PCDHA5: variants seen among roughly 807,000 people sequenced by gnomAD.
The protein encoded by PCDHA5 is protocadherin alpha-5.
In PCDHA5, 43 loss-of-function variants were observed where a neutral mutation model predicts 61.6. The observed-to-expected ratio is 0.70, with a 90% CI of 0.55 to 0.90. PCDHA5 has a LOEUF of 0.90. Ranked by LOEUF, PCDHA5 falls within the 40% of genes least tolerant of loss-of-function variation. The probability of loss-of-function intolerance (pLI) is 0.00; values close to 1 mark genes in which losing one functional copy is unlikely to be tolerated. For missense variants in PCDHA5, 1,298 were observed against 1,222.7 expected (o/e 1.06, Z -0.92); for synonymous variants, 627 against 543.9 (o/e 1.15, Z -2.13).
At chr5:140,897,518 T>A (rs2066160092) in intron 1 of PCDHA5, among the ~76,000 whole-genome samples, 2 of 152,260 alleles carry the variant, frequency 1.3e-5, no homozygotes, top group Admixed American at 1.3e-4. Context: ...GGACATGAAC[T>A]CATCATTTTT....
intron 1 of PCDHA5, among the ~76,000 whole-genome samples, chr5:140,854,986 T>C (rs1266471979): frequency 2.0e-5 from 3 of 149,894 alleles, no homozygotes; most frequent in African/African-American, 7.3e-5. Context: ...TTAAGATTCT[T>C]TTTGCCCGTG....
intron 1 of PCDHA5, among the ~76,000 whole-genome samples, chr5:140,881,717 G>A (rs374516377): frequency 2.6e-5 from 4 of 152,160 alleles, no homozygotes; most frequent in African/African-American, 9.7e-5. Flanking sequence ...GTGTGAGGAG[G>A]TCTTGAAAAA....
At chr5:140,922,288 T>C (rs2080761283) in intron 1 of PCDHA5, among the ~76,000 whole-genome samples, 1 of 152,150 alleles carries the variant, frequency 6.6e-6, no homozygotes, top group African/African-American at 2.4e-5. Context: ...GATATGAAAA[T>C]GCTAGGAGAG....
At chr5:140,944,694 T>C (rs2093685448) in intron 1 of PCDHA5, among the ~76,000 whole-genome samples, 1 of 152,190 alleles carries the variant, frequency 6.6e-6, no homozygotes, top group African/African-American at 2.4e-5. Context: ...TTAATAACAG[T>C]AATTATCAGG....
At chr5:140,861,347 G>C (rs2046872625) in intron 1 of PCDHA5, 2 of 297,216 alleles carry the variant, frequency 6.7e-6, no homozygotes, top group Non-Finnish European at 6.8e-6. Context: ...GGCCAAGGAC[G>C]GCACATAGCG....
rs2150120933 is a variant in PCDHA5, at chr5:140,822,977, A to G, written c.1202A>G (p.Lys401Arg). Residue 401 changes from lysine to arginine, a missense_variant, in exon 1 of 4, where the codon AAG (lysine) becomes AGG (arginine). Coordinates refer to ENST00000529859, the MANE Select transcript of PCDHA5 (RefSeq NM_018908.3). Reference sequence around the variant, plus strand: ...CCCTTCAAGCTGGTGTCCACCTTCAAGAATTACTACTCGTTGGTGCTGGAC... The same window carrying G: ...CCCTTCAAGCTGGTGTCCACCTTCAGGAATTACTACTCGTTGGTGCTGGAC... The part of the protein sequence containing the change: ...HVPFKLVSTF[K>R]NYYSLVLDSA... The G allele has an allele frequency of 1.4e-5, 22 of 1,614,094 alleles. No individual in the cohort carries two copies. Among genetic ancestry groups the G allele is most frequent in the South Asian group, 4.4e-5 (4 of 91,090 alleles).
At chr5:140,975,552 G>A (rs1416724640) in intron 1 of PCDHA5, among the ~76,000 whole-genome samples, 1 of 152,200 alleles carries the variant, frequency 6.6e-6, no homozygotes, top group Non-Finnish European at 1.5e-5. Flanking sequence ...CTATTAGGAA[G>A]GAAAAGGAGA....
At chr5:140,862,290 A>G (rs1423685229) in intron 1 of PCDHA5, 3 of 265,086 alleles carry the variant, frequency 1.1e-5, no homozygotes, top group Admixed American at 4.8e-5. Flanking sequence ...GTACAGGAGG[A>G]CGCTCCACTG....
intron 3 of PCDHA5, among the ~76,000 whole-genome samples, chr5:141,000,387 C>G (rs868946328): frequency 1.5e-5 from 1 of 66,898 alleles, no homozygotes. Context: ...CTCTCTCTCT[C>G]TCTCTCTCTA....
intron 1 of PCDHA5, among the ~76,000 whole-genome samples, chr5:140,964,816 T>A (rs79964853): frequency 0.016 from 2,494 of 151,960 alleles, 68 homozygotes; most frequent in African/African-American, 0.056. Context: ...CAGGAATAGA[T>A]TTTGATGAAA....
chr5:140,887,251 C>G (rs2153419046), intron 1 of PCDHA5, among the ~76,000 whole-genome samples: 1 of 152,162 alleles, frequency 6.6e-6, no homozygotes. Context: ...CGCCCGCCAC[C>G]ACGCCCTGCT....
chr5:140,829,379 G>T (rs150962684), intron 1 of PCDHA5: 1 of 1,614,184 alleles, frequency 6.2e-7, no homozygotes, highest in Non-Finnish European at 8.5e-7. Context: ...CGCGCGGGAC[G>T]GGGGCTCGCC....
chr5:140,836,830 G>T, intron 1 of PCDHA5: 1 of 945,180 alleles, frequency 1.1e-6, no homozygotes, highest in South Asian at 1.8e-5. Context: ...TTTTTTAGTT[G>T]ATAGCTTTAT....
In PCDHA5 at chr5:140,841,904, G is replaced by C. The variant is rs2150325203; in HGVS notation, c.2352+17777G>C. On this transcript the variant is annotated intron_variant, in intron 1 of 3. Coordinates refer to ENST00000529859, the MANE Select transcript of PCDHA5 (RefSeq NM_018908.3). ...CGATGAGAATAAACTGGTTGAGCTCGTATTAAGAAAATCCTTGGACAGAGA... is the reference window on the plus strand; with the variant it reads ...CGATGAGAATAAACTGGTTGAGCTCCTATTAAGAAAATCCTTGGACAGAGA... 40 of 1,613,742 alleles carry C rather than the reference G, an allele frequency of 2.5e-5. 1 individual carries two copies. Among genetic ancestry groups the C allele is most frequent in the Non-Finnish European group, 3.2e-5 (38 of 1,179,858 alleles).
intron 1 of PCDHA5, chr5:140,858,795 C>A: frequency 2.6e-6 from 1 of 379,570 alleles, no homozygotes; most frequent in Non-Finnish European, 4.8e-6. Context: ...ATTTCATTTC[C>A]AATCTAAATT....
At chr5:140,968,097 G>A in intron 1 of PCDHA5, 1 of 1,614,112 alleles carries the variant, frequency 6.2e-7, no homozygotes, top group Non-Finnish European at 8.5e-7. Flanking sequence ...GCCACAGATG[G>A]GGGAATACCG....
chr5:140,888,047 G>C (rs1246901863), intron 1 of PCDHA5, among the ~76,000 whole-genome samples: 12 of 152,092 alleles, frequency 7.9e-5, no homozygotes, highest in African/African-American at 2.9e-4. Flanking sequence ...ATGTATAATA[G>C]ATGTTTTAAC....
Position 140,822,799 on chromosome 5 carries a change from G to A in PCDHA5, c.1024G>A (p.Val342Met). The change falls in exon 1 of 4, where the codon GTG becomes ATG. Residue 342 changes from valine to methionine, a missense_variant. Transcript: ENST00000529859. Reference protein sequence around the residue: ...HCKVVVKLLDVNDNTPEMAIT... With the variant: ...HCKVVVKLLDMNDNTPEMAIT... ...TAAAGTAGTAGTGAAACTCCTGGAT[G>A]TGAATGATAATACCCCAGAGATGGC... The A allele has an allele frequency of 6.2e-7, 1 of 1,614,160 alleles. No individual in the cohort carries two copies. Among genetic ancestry groups the A allele is most frequent in the Middle Eastern group, 1.6e-4 (1 of 6,062 alleles).
chr5:140,863,019 T>A (rs781817571), intron 1 of PCDHA5: 6 of 554,136 alleles, frequency 1.1e-5, no homozygotes, highest in Admixed American at 5.7e-5. Context: ...GACGCCTGGT[T>A]GTCGCAACAG....
Sources: gnomAD v4.1 joint callset for allele counts (sites outside exome capture counted in the v4.1 genomes callset) on GRCh38, gnomAD v4.1.1 for gene constraint, MANE v1.5 for transcripts, NCBI Gene and HGNC (gene_info 2026-07-23, HGNC 2026-07-21) for gene names.